BOLL: variants seen among roughly 807,000 people sequenced by gnomAD.
BOLL encodes boule RNA binding protein.
Under a neutral mutation model 44.4 loss-of-function variants are expected in BOLL, and 23 were observed. The ratio of observed to expected loss-of-function variants is 0.52; its 90% CI spans 0.37 to 0.73. BOLL has a LOEUF of 0.73. Among genes scored for constraint, BOLL ranks in the 30% least tolerant of loss-of-function variants. The pLI, the probability that BOLL is intolerant of heterozygous loss-of-function variation, is 0.00. For synonymous variants in BOLL, 97 were observed against 110.8 expected (o/e 0.88, Z 0.78); for missense variants, 287 against 338.3 (o/e 0.85, Z 1.19).
chr2:197,771,465 G>A (rs1463408858), intron 6 of BOLL, among the ~76,000 whole-genome samples: 2 of 151,892 alleles, frequency 1.3e-5, no homozygotes, highest in South Asian at 2.1e-4. Flanking sequence ...CCTGCACGTT[G>A]TGCACATGTA....
chr2:197,754,693 G>A (rs972492032), intron 9 of BOLL, among the ~76,000 whole-genome samples: 4 of 148,276 alleles, frequency 2.7e-5, no homozygotes, highest in South Asian at 2.2e-4. Context: ...TAGCCTGGGC[G>A]ATGGAGCAAG....
At chr2:197,740,695 TAGAA>T (rs1223918778) in intron 10 of BOLL, among the ~76,000 whole-genome samples, 2 of 152,050 alleles carry the variant, frequency 1.3e-5, no homozygotes, top group Admixed American at 6.6e-5. Flanking sequence ...TTCATATAGA[TAGAA>T]AGTAAATTAG....
chr2:197,742,364 C>T (rs1284240566), intron 10 of BOLL, among the ~76,000 whole-genome samples: 13 of 152,116 alleles, frequency 8.5e-5, no homozygotes, highest in South Asian at 2.1e-4. Context: ...CACATGCACA[C>T]GTATGTTTAT....
chr2:197,739,708 T>C (rs956946256), intron 10 of BOLL, among the ~76,000 whole-genome samples: 1 of 152,150 alleles, frequency 6.6e-6, no homozygotes, highest in African/African-American at 2.4e-5. Flanking sequence ...TACTCACAGA[T>C]CTAAGAACAT....
intron 6 of BOLL, among the ~76,000 whole-genome samples, chr2:197,768,770 C>A: frequency 6.9e-6 from 1 of 145,974 alleles, no homozygotes; most frequent in Non-Finnish European, 1.5e-5. Context: ...CAGTTTTTGC[C>A]CATCTAGTAT....
rs142286443 is a variant in BOLL at position 197,781,368 on chromosome 2, TAATC to T, written c.129+350_129+353del. Reference sequence around the variant, plus strand: ...ATAGAGTCTCTTTTGAAAATTATAATAATCAATTATTTTGGCTATTGGAATATTA... The same window carrying T: ...ATAGAGTCTCTTTTGAAAATTATAATAATTATTTTGGCTATTGGAATATTA... On this transcript the variant is annotated intron_variant, in intron 2 of 10. Coordinates refer to ENST00000392296, the MANE Select transcript of BOLL (RefSeq NM_033030.6). 5.9e-3 allele frequency among the ~76,000 whole-genome samples: 891 copies of T among 152,256 alleles called. 5 individuals are homozygous for T. The highest frequency in any genetic ancestry group is 9.4e-3 in the Non-Finnish European group (642 of 67,992).
At chr2:197,772,025 A>G in intron 5 of BOLL, 43 bp from the exon 6 acceptor site, 1 of 1,454,412 alleles carries the variant, frequency 6.9e-7, no homozygotes, top group Non-Finnish European at 9.3e-7. Flanking sequence ...TGTTCAATTT[A>G]ACTGTTAAAA....
In BOLL at chr2:197,766,569, G is replaced by A. The variant is rs1034931131; in HGVS notation, c.515C>T (p.Ala172Val). The A allele has an allele frequency of 1.9e-6, 3 of 1,612,518 alleles. No individual in the cohort carries two copies. Among genetic ancestry groups the A allele is most frequent in the Non-Finnish European group, 2.5e-6 (3 of 1,178,950 alleles). Residue 172 changes from alanine to valine, a missense_variant, in exon 7 of 11, where the codon GCT becomes GTT. Transcript: ENST00000392296. ...TGCAGGTTGCTGATAAATGGGCTGA[G>A]CTACCATCACAGGGGAGCTACATAC... ...RSVCSSPVMV[A>V]QPIYQQPAYH...
intron 9 of BOLL, among the ~76,000 whole-genome samples, chr2:197,750,273 C>G (rs1268031457): frequency 6.6e-6 from 1 of 152,170 alleles, no homozygotes; most frequent in Admixed American, 6.5e-5. Flanking sequence ...ATCACAACGA[C>G]AGGATCAAAT....
At chr2:197,780,950 G>A (rs955189651) in intron 2 of BOLL, among the ~76,000 whole-genome samples, 6 of 151,988 alleles carry the variant, frequency 3.9e-5, no homozygotes, top group Non-Finnish European at 8.8e-5. Flanking sequence ...GGGCTGGGGG[G>A]CACTGCACAT....
In BOLL at chr2:197,743,014, A is replaced by T. The variant is rs963102526; in HGVS notation, c.828+47T>A. 11 of 1,422,946 alleles carry T rather than the reference A, an allele frequency of 7.7e-6. No individual in the cohort carries two copies. The Admixed American group carries it at 9.4e-5, about 12-fold the overall frequency. 88.1% of individuals were successfully genotyped at this position (1,422,946 alleles called of 1,614,324 possible). A position where few individuals can be genotyped will look rare whatever the true frequency, so the allele number is the denominator to read the frequency against. On this transcript the variant is annotated intron_variant, in intron 10 of 10. Transcript: ENST00000392296. ...AGAAGAGAAAGTTGGAAAACTTGAA[A>T]TATGATGGAAGAAAAACAAAGTAAA...
intron 10 of BOLL, among the ~76,000 whole-genome samples, chr2:197,730,577 C>T (rs1459977539): frequency 2.7e-5 from 4 of 149,724 alleles, no homozygotes; most frequent in Middle Eastern, 3.2e-3. Flanking sequence ...GGTCGGGTTA[C>T]CCTCAAAGGG....
intron 9 of BOLL, among the ~76,000 whole-genome samples, chr2:197,744,415 A>T (rs1274908252): frequency 6.6e-6 from 1 of 152,234 alleles, no homozygotes; most frequent in African/African-American, 2.4e-5. Flanking sequence ...AACCAAGGGT[A>T]GGAAGAGTTT....
chr2:197,755,000 T>C (rs1688443069), intron 9 of BOLL, among the ~76,000 whole-genome samples: 1 of 152,148 alleles, frequency 6.6e-6, no homozygotes, highest in African/African-American at 2.4e-5. Context: ...TCTATCCATC[T>C]GACAAAAGTC....
intron 10 of BOLL, among the ~76,000 whole-genome samples, chr2:197,740,815 G>A (rs191556439): frequency 8.4e-4 from 128 of 152,270 alleles, no homozygotes; most frequent in African/African-American, 2.9e-3. Flanking sequence ...GAAAACAATG[G>A]TGATGGTTGC....
intron 7 of BOLL, 44 bp downstream of exon 7, chr2:197,766,488 G>T: frequency 6.9e-7 from 1 of 1,444,378 alleles, no homozygotes; most frequent in Non-Finnish European, 9.7e-7. Context: ...GCTAAGAAAG[G>T]ACTGAAAGTT....
intron 5 of BOLL, 149 bp from the exon 6 acceptor site, chr2:197,772,131 T>C (rs1257648126): frequency 3.2e-6 from 2 of 620,844 alleles, no homozygotes; most frequent in Non-Finnish European, 4.8e-6. Flanking sequence ...AAAAAATTCC[T>C]TATGTCAAAG....
chr2:197,768,707 A>C (rs1689104014), intron 6 of BOLL, among the ~76,000 whole-genome samples: 1 of 150,474 alleles, frequency 6.6e-6, no homozygotes, highest in Admixed American at 6.7e-5. Context: ...GTAAAAAACA[A>C]AAAACTAAAA....
At chr2:197,770,113 A>G (rs1223661941) in intron 6 of BOLL, among the ~76,000 whole-genome samples, 1 of 152,220 alleles carries the variant, frequency 6.6e-6, no homozygotes, top group Non-Finnish European at 1.5e-5. Flanking sequence ...CTACAAGGCT[A>G]CAGTAACCAA....
Sources: allele counts gnomAD v4.1 joint callset (sites outside exome capture counted in the v4.1 genomes callset), GRCh38; gene constraint gnomAD v4.1.1; transcripts MANE v1.5; gene names NCBI Gene and HGNC (gene_info 2026-07-23, HGNC 2026-07-21).